CDK13: variants seen among roughly 807,000 people sequenced by gnomAD.
The protein encoded by CDK13 is cyclin-dependent kinase 13.
A neutral mutation model predicts 137.6 loss-of-function variants in CDK13; 40 were observed. The observed-to-expected ratio is 0.29, with a 90% confidence interval of 0.23 to 0.38. CDK13 has a LOEUF of 0.38. Among genes scored for constraint, CDK13 ranks in the 10% least tolerant of loss-of-function variants. The pLI, the probability that CDK13 is intolerant of heterozygous loss-of-function variation, is 1.00. For synonymous variants in CDK13, 869 were observed against 760.1 expected, an observed-to-expected ratio of 1.14 and a Z score of -2.36; for missense variants, 1,704 against 1,951.8, an observed-to-expected ratio of 0.87 and a Z score of 2.39.
chr7:40,027,836 C>T (rs1318847183), intron 5 of CDK13, among the ~76,000 whole-genome samples: 1 of 151,794 alleles, frequency 6.6e-6, no homozygotes, highest in Non-Finnish European at 1.5e-5. Flanking sequence ...GGTCCTCTTA[C>T]CTGTGCAGTG....
At chr7:40,039,436 T>TTTTTTTTTTTTTTTTTTG (rs1785557707) in intron 5 of CDK13, among the ~76,000 whole-genome samples, 1 of 127,516 alleles carries the variant, frequency 7.8e-6, no homozygotes, top group African/African-American at 3.5e-5. Flanking sequence ...CCCGGCTAAT[T>TTTTTTTTTTTTTTTTTTG]TTTTTTTTTT....
rs528605064 is a variant in CDK13, at chr7:39,950,545, C to T, written c.-97C>T. ...CCGGCCGGCTCTGGTGCTCGGTGTC[C>T]CTCCGCCGCCGCTCCCGTTTCCGGC... On this transcript the variant is annotated 5_prime_UTR_variant, in exon 1 of 14. Transcript: ENST00000181839. 6.0e-5 allele frequency: 76 copies of T among 1,273,780 alleles called. No homozygotes were observed. In the African/African-American group the frequency reaches 1.2e-3, roughly 19 times the overall value. The allele number at this position is 1,273,780 out of a possible 1,614,324, so 78.9% of individuals were successfully genotyped here.
intron 12 of CDK13, among the ~76,000 whole-genome samples, chr7:40,089,698 TAGAGAGAGAGAG>T (rs58490010): frequency 7.1e-6 from 1 of 140,490 alleles, no homozygotes; most frequent in African/African-American, 2.7e-5. Context: ...TGATATAAAA[TAGAGAGAGAGAG>T]AGAGAGAGAG....
At chr7:40,068,104 G>T (rs914913102) in intron 9 of CDK13, 1 of 127,076 alleles carries the variant, frequency 7.9e-6, no homozygotes, top group Non-Finnish European at 1.7e-5. Context: ...AAAAAAAAAA[G>T]AAAAATTGTA....
At chr7:40,060,668 A>G (rs973760907) in intron 7 of CDK13, among the ~76,000 whole-genome samples, 1 of 152,230 alleles carries the variant, frequency 6.6e-6, no homozygotes, top group African/African-American at 2.4e-5. Flanking sequence ...TGTGAAGATA[A>G]ATATATTATT....
chr7:40,082,640 A>C (rs1426911745), intron 11 of CDK13, among the ~76,000 whole-genome samples: 2 of 151,608 alleles, frequency 1.3e-5, no homozygotes, highest in Non-Finnish European at 2.9e-5. Context: ...AAAATACAAA[A>C]ATTAGCTGGG....
At chr7:40,084,696 C>T (rs1033018011) in intron 11 of CDK13, among the ~76,000 whole-genome samples, 1 of 152,128 alleles carries the variant, frequency 6.6e-6, no homozygotes, top group African/African-American at 2.4e-5. Context: ...TAGTTGTAAA[C>T]TATGAATTAA....
chr7:40,088,759 A>G (rs1240826644), intron 12 of CDK13, among the ~76,000 whole-genome samples: 2 of 152,110 alleles, frequency 1.3e-5, no homozygotes, highest in Non-Finnish European at 2.9e-5. Flanking sequence ...TCCTAATGTT[A>G]TAATTTCTCT....
chr7:40,075,002 G>A (rs1786513188), intron 9 of CDK13, among the ~76,000 whole-genome samples: 1 of 152,042 alleles, frequency 6.6e-6, no homozygotes, highest in African/African-American at 2.4e-5. Flanking sequence ...TTAGAGTGGC[G>A]GTTGAATCCT....
chr7:40,088,349 G>A lies in CDK13; in HGVS notation c.3235+18G>A. Reference sequence around the variant, plus strand: ...GGCACCTGGTCAGTAATGCTTCCATGGGTTGGTTTTCTTCACATTGTTTTG... The same window carrying A: ...GGCACCTGGTCAGTAATGCTTCCATAGGTTGGTTTTCTTCACATTGTTTTG... On this transcript the variant is annotated intron_variant, in intron 12 of 13. Coordinates refer to ENST00000181839, the MANE Select transcript of CDK13 (RefSeq NM_003718.5). The A allele has an allele frequency of 6.3e-7, 1 of 1,594,652 alleles. No homozygotes were observed.
At chr7:39,960,290 G>A (rs1215821208) in intron 1 of CDK13, among the ~76,000 whole-genome samples, 1 of 151,346 alleles carries the variant, frequency 6.6e-6, no homozygotes, top group Non-Finnish European at 1.5e-5. Flanking sequence ...CTGTCACCCA[G>A]GCTGGAGTGC....
chr7:40,011,670 C>A (rs1442468037), intron 5 of CDK13, among the ~76,000 whole-genome samples: 1 of 151,938 alleles, frequency 6.6e-6, no homozygotes, highest in South Asian at 2.1e-4. Context: ...AGCACTAAAA[C>A]CATAAACCTA....
chr7:40,090,417 G>T (rs1435086596), intron 12 of CDK13, among the ~76,000 whole-genome samples: 1 of 151,980 alleles, frequency 6.6e-6, no homozygotes, highest in Non-Finnish European at 1.5e-5. Context: ...ACAGTGACAC[G>T]ATCTCAGCTC....
intron 5 of CDK13, among the ~76,000 whole-genome samples, chr7:40,031,859 T>TTATTAC (rs1469215668): frequency 6.9e-6 from 1 of 144,470 alleles, no homozygotes; most frequent in Non-Finnish European, 1.5e-5. Context: ...ATTATTATTA[T>TTATTAC]TATTATTGGG....
chr7:40,019,494 T>C (rs2116392379), intron 5 of CDK13, among the ~76,000 whole-genome samples: 1 of 152,298 alleles, frequency 6.6e-6, no homozygotes, highest in East Asian at 1.9e-4. Context: ...CTGAAGGTAA[T>C]CTGGAATCAG....
At chr7:40,053,901 T>G (rs761971957) in intron 7 of CDK13, among the ~76,000 whole-genome samples, 1 of 152,230 alleles carries the variant, frequency 6.6e-6, no homozygotes, top group Non-Finnish European at 1.5e-5. Flanking sequence ...ATCATTCTTA[T>G]GTACATTTTA....
rs2116263969 is a variant in CDK13 at position 39,987,762 on chromosome 7, G to A, written c.1375G>A (p.Ala459Thr). Residue 459 changes from alanine to threonine, a missense_variant, in exon 2 of 14, where the codon GCA (alanine) becomes ACA (threonine). Coordinates refer to ENST00000181839, the MANE Select transcript of CDK13 (RefSeq NM_003718.5). ...LAAELNKNKK[A>T]RAAEAARAAE... ...AGCTGAATTGAACAAGAATAAAAAAGCACGAGCAGCAGAGGCAGCAAGAGC... is the reference window on the plus strand; with the variant it reads ...AGCTGAATTGAACAAGAATAAAAAAACACGAGCAGCAGAGGCAGCAAGAGC... The A allele has an allele frequency of 6.2e-7, 1 of 1,614,098 alleles. No homozygotes were observed. Among genetic ancestry groups the A allele is most frequent in the Non-Finnish European group, 8.5e-7 (1 of 1,180,028 alleles).
At position 40,088,346 on chromosome 7, in the gene CDK13, C is replaced by T; in HGVS notation, c.3235+15C>T. The T allele has an allele frequency of 6.3e-7, 1 of 1,597,548 alleles. No individual in the cohort carries two copies. The highest frequency in any genetic ancestry group is 8.6e-7 in the Non-Finnish European group (1 of 1,166,266). ...TGTGGCACCTGGTCAGTAATGCTTC[C>T]ATGGGTTGGTTTTCTTCACATTGTT... On this transcript the variant is annotated intron_variant, in intron 12 of 13. Transcript: ENST00000181839.
intron 11 of CDK13, among the ~76,000 whole-genome samples, chr7:40,079,422 A>G (rs1421911801): frequency 1.3e-5 from 2 of 151,968 alleles, no homozygotes; most frequent in Non-Finnish European, 1.5e-5. Flanking sequence ...TCCGTCTCAA[A>G]AAAAAAAAAA....
Sources: allele counts gnomAD v4.1 joint callset (sites outside exome capture counted in the v4.1 genomes callset), GRCh38; gene constraint gnomAD v4.1.1; transcripts MANE v1.5; gene names NCBI Gene and HGNC (gene_info 2026-07-23, HGNC 2026-07-21).